The following SLC6A11 variants were observed in gnomAD, a reference collection of about 807,000 sequenced individuals.
SLC6A11 encodes solute carrier family 6 member 11, also known as sodium- and chloride-dependent GABA transporter 3.
In SLC6A11, 25 loss-of-function variants were observed where a neutral mutation model predicts 74.8. The ratio of observed to expected loss-of-function variants is 0.33; its 90% CI spans 0.24 to 0.47. SLC6A11 has a LOEUF of 0.47. Among genes scored for constraint, SLC6A11 ranks in the 20% least tolerant of loss-of-function variants. SLC6A11 has a pLI of 1.00. For synonymous variants in SLC6A11, 330 were observed against 330.2 expected, an observed-to-expected ratio of 1.00 and a Z score of 0.01; for missense variants, 574 against 837.0, an observed-to-expected ratio of 0.69 and a Z score of 3.88.
At position 10,940,106 on chromosome 3, in the gene SLC6A11, T is replaced by C. The variant is rs1695807381; in HGVS notation, c.*1704T>C. The C allele has an allele frequency of 6.6e-6, 1 of 152,314 alleles. No individual in the cohort carries two copies. Among genetic ancestry groups the C allele is most frequent in the Non-Finnish European group, 1.5e-5 (1 of 68,112 alleles). 9.4% of individuals were successfully genotyped at this position (152,314 alleles called of 1,614,324 possible). A position where few individuals can be genotyped will look rare whatever the true frequency, so the allele number is the denominator to read the frequency against. Reference sequence around the variant, plus strand: ...TGAAGCCTGTGTCTACTAAGAGGGATGCCCAGTGCCCCACTGGGCAGGACG... The same window carrying C: ...TGAAGCCTGTGTCTACTAAGAGGGACGCCCAGTGCCCCACTGGGCAGGACG... On this transcript the variant is annotated 3_prime_UTR_variant, in exon 14 of 14. Coordinates refer to ENST00000254488, the MANE Select transcript of SLC6A11 (RefSeq NM_014229.3).
At chr3:10,829,228 A>G (rs578251782) in intron 4 of SLC6A11, among the ~76,000 whole-genome samples, 1 of 152,350 alleles carries the variant, frequency 6.6e-6, no homozygotes, top group South Asian at 2.1e-4. Flanking sequence ...CAACCTCTCC[A>G]GGCTGCTGTG....
chr3:10,904,869 C>T (rs1421263884), intron 6 of SLC6A11, among the ~76,000 whole-genome samples: 1 of 152,150 alleles, frequency 6.6e-6, no homozygotes, highest in African/African-American at 2.4e-5. Context: ...GAGCCTATTT[C>T]CACTTCTGAA....
rs1695497130 is a variant in SLC6A11, at chr3:10,918,951, C to T, written c.1120+498C>T. ...GCCCTGTGTTGCCCGGCTCCTGTGGCCCCACCAGCCTCACCACCTACGATT... is the reference window on the plus strand; with the variant it reads ...GCCCTGTGTTGCCCGGCTCCTGTGGTCCCACCAGCCTCACCACCTACGATT... On this transcript the variant is annotated intron_variant, in intron 8 of 13. Transcript: ENST00000254488. This position sits in a 1 kb window ranked among gnomAD's most constrained non-coding sequence, Gnocchi z 4.5. 6.6e-6 allele frequency among the ~76,000 whole-genome samples: 1 copy of T among 152,046 alleles called. No homozygotes were observed. Among genetic ancestry groups the T allele is most frequent in the African/African-American group, 2.4e-5 (1 of 41,392 alleles).
chr3:10,838,660 A>G (rs1005282240), intron 4 of SLC6A11, among the ~76,000 whole-genome samples: 1 of 152,154 alleles, frequency 6.6e-6, no homozygotes, highest in Non-Finnish European at 1.5e-5. Flanking sequence ...GAGGCAGGAG[A>G]ATCACTTGAA....
intron 4 of SLC6A11, chr3:10,825,016 T>C (rs1026694797): frequency 6.6e-6 from 1 of 152,266 alleles, no homozygotes; most frequent in Middle Eastern, 3.4e-3. Context: ...AAACCCTGTC[T>C]TTACTAAAAA....
Position 10,844,366 on chromosome 3 carries a change from G to C in SLC6A11, c.756+20G>C, listed in dbSNP as rs764050887. ...GGAAAGGTAAGAGGTCGATCTTCAA[G>C]CAGCTAACCGTGGCAGGGGAAGGCA... On this transcript the variant is annotated intron_variant, in intron 5 of 13. Transcript: ENST00000254488. 6.2e-7 allele frequency: 1 copy of C among 1,614,094 alleles called. No homozygotes were observed. The highest frequency in any genetic ancestry group is 1.1e-5 in the South Asian group (1 of 91,076).
At chr3:10,826,895 C>G (rs1694217340) in intron 4 of SLC6A11, among the ~76,000 whole-genome samples, 1 of 152,214 alleles carries the variant, frequency 6.6e-6, no homozygotes, top group Admixed American at 6.5e-5. Flanking sequence ...TCGGTATAGA[C>G]CATCCTGCCA....
At chr3:10,861,702 G>A (rs992284439) in intron 5 of SLC6A11, among the ~76,000 whole-genome samples, 1 of 152,166 alleles carries the variant, frequency 6.6e-6, no homozygotes, top group South Asian at 2.1e-4. Flanking sequence ...GTCCCTGGGG[G>A]ACCCTGGTGT....
At position 10,918,665 on chromosome 3, in the gene SLC6A11, G is replaced by A. The variant is rs532654143; in HGVS notation, c.1120+212G>A. ...TCCCTCCCAAATCCAAGGCATCCCC[G>A]AGTTTTGTAGATGCTGTTGCCCACT... On this transcript the variant is annotated intron_variant, in intron 8 of 13. Coordinates refer to ENST00000254488, the MANE Select transcript of SLC6A11 (RefSeq NM_014229.3). The surrounding 1 kb of genome is among the most constrained non-coding windows in gnomAD (Gnocchi z 4.5). Among the ~76,000 whole-genome samples the A allele has an allele frequency of 8.4e-4, 127 of 151,978 alleles. No individual in the cohort carries two copies. Among genetic ancestry groups the A allele is most frequent in the South Asian group, 2.7e-3 (13 of 4,788 alleles).
At position 10,926,316 on chromosome 3, in the gene SLC6A11, T is replaced by C. The variant is rs556340418; in HGVS notation, c.1233+200T>C. Among the ~76,000 whole-genome samples, 70 of 152,050 alleles carry C rather than the reference T, an allele frequency of 4.6e-4. No individual in the cohort carries two copies. Among genetic ancestry groups the C allele is most frequent in the African/African-American group, 1.5e-3 (63 of 41,490 alleles). On this transcript the variant is annotated intron_variant, in intron 9 of 13. Transcript: ENST00000254488. This position sits in a 1 kb window ranked among gnomAD's most constrained non-coding sequence, Gnocchi z 5.7. ...CCCCCGCCATCCACCAGGTGGGCTC[T>C]ACACTTACCCACAAATGTCTGTTCC...
rs539418685 is a variant in SLC6A11, at chr3:10,826,562, T to A, written c.623+3170T>A. Among the ~76,000 whole-genome samples, 3 of 152,372 alleles carry A rather than the reference T, an allele frequency of 2.0e-5. No individual in the cohort carries two copies. In the South Asian group the frequency reaches 6.2e-4, roughly 32 times the overall value. On this transcript the variant is annotated intron_variant, in intron 4 of 13. Transcript: ENST00000254488. ...CTTAATTAAATCATTATTTGTATAATGTATTTGTTCATTGTCTGTATTCCC... is the reference window on the plus strand; with the variant it reads ...CTTAATTAAATCATTATTTGTATAAAGTATTTGTTCATTGTCTGTATTCCC...
At chr3:10,902,736 G>A (rs1451247276) in intron 6 of SLC6A11, among the ~76,000 whole-genome samples, 1 of 152,202 alleles carries the variant, frequency 6.6e-6, no homozygotes, top group Admixed American at 6.5e-5. Flanking sequence ...GAGCTATCTT[G>A]TTTAACTTAG....
chr3:10,872,127 A>C (rs1453164093), intron 5 of SLC6A11, among the ~76,000 whole-genome samples: 3 of 152,222 alleles, frequency 2.0e-5, no homozygotes, highest in Non-Finnish European at 4.4e-5. Flanking sequence ...TGCAGATTGC[A>C]TACATAGGTA....
intron 6 of SLC6A11, among the ~76,000 whole-genome samples, chr3:10,900,354 TATC>T (rs1695225292): frequency 6.6e-6 from 1 of 152,130 alleles, no homozygotes; most frequent in African/African-American, 2.4e-5. Flanking sequence ...CTTGAGTGCT[TATC>T]ATGTGTCAGC....
At chr3:10,828,630 G>C (rs1694248942) in intron 4 of SLC6A11, among the ~76,000 whole-genome samples, 1 of 152,038 alleles carries the variant, frequency 6.6e-6, no homozygotes, top group Non-Finnish European at 1.5e-5. Flanking sequence ...CTTGGCTTTT[G>C]CTTTTCCTTT....
At chr3:10,853,010 C>G (rs1256348347) in intron 5 of SLC6A11, among the ~76,000 whole-genome samples, 1 of 152,156 alleles carries the variant, frequency 6.6e-6, no homozygotes, top group Admixed American at 6.5e-5. Context: ...TGTGAGTTAG[C>G]GTGGGCCATC....
intron 6 of SLC6A11, among the ~76,000 whole-genome samples, chr3:10,893,621 C>T (rs4684745): frequency 0.02 from 3,085 of 152,254 alleles, 85 homozygotes; most frequent in East Asian, 0.11. Context: ...GCATAGTCTT[C>T]TCACCAAAGG....
intron 4 of SLC6A11, among the ~76,000 whole-genome samples, chr3:10,842,447 C>T (rs1694450321): frequency 6.6e-6 from 1 of 152,180 alleles, no homozygotes; most frequent in Non-Finnish European, 1.5e-5. Context: ...GGATCATGCT[C>T]TGGGACATGC....
intron 6 of SLC6A11, among the ~76,000 whole-genome samples, chr3:10,882,318 G>A (rs578060809): frequency 3.3e-5 from 5 of 152,104 alleles, no homozygotes; most frequent in Non-Finnish European, 5.9e-5. Flanking sequence ...AAAGTCTAAC[G>A]GGGTGCCCGC....
Sources: allele counts gnomAD v4.1 joint callset (sites outside exome capture counted in the v4.1 genomes callset), GRCh38; gene constraint gnomAD v4.1.1; non-coding constraint Gnocchi (gnomAD v3.1); transcripts MANE v1.5; gene names NCBI Gene and HGNC (gene_info 2026-07-23, HGNC 2026-07-21).